Variants in LRRC40 observed in about 807,000 individuals in gnomAD.
The protein encoded by LRRC40 is leucine rich repeat containing 40.
Under a neutral mutation model 72.8 loss-of-function variants are expected in LRRC40, and 76 were observed. That is an observed-to-expected ratio of 1.04 (90% CI 0.87 to 1.26). LRRC40 has a LOEUF of 1.26. LRRC40 is among the 50% of genes most tolerant of loss of function. LRRC40 has a pLI of 0.00. For synonymous variants in LRRC40, 243 were observed against 254.2 expected (o/e 0.96, Z 0.42); for missense variants, 684 against 698.9 (o/e 0.98, Z 0.24).
Position 70,187,463 on chromosome 1 carries a change from GA to G in LRRC40, c.334-126del. The G allele has an allele frequency of 7.1e-6, 4 of 561,456 alleles. No individual in the cohort carries two copies. In the South Asian group the frequency reaches 9.5e-5, roughly 13 times the overall value. The allele number at this position is 561,456 out of a possible 1,614,324, so 34.8% of individuals were successfully genotyped here. The stretch of plus-strand genomic sequence containing the variant: ...TCCTCAAATTCAATGGCAACAAGTT[GA>G]ACTACTGTTCAACATACTTGTTCTG... On this transcript the variant is annotated intron_variant, in intron 2 of 14. Coordinates refer to ENST00000370952, the MANE Select transcript of LRRC40 (RefSeq NM_017768.5).
At chr1:70,189,593 A>G (rs1668448834) in intron 1 of LRRC40, among the ~76,000 whole-genome samples, 1 of 152,244 alleles carries the variant, frequency 6.6e-6, no homozygotes, top group African/African-American at 2.4e-5. Flanking sequence ...TGTACAACAA[A>G]GAATGCATTC....
At chr1:70,158,185 T>C (rs1249292605) in intron 10 of LRRC40, among the ~76,000 whole-genome samples, 1 of 149,498 alleles carries the variant, frequency 6.7e-6, no homozygotes, top group East Asian at 2.0e-4. Flanking sequence ...GAGTGCTACC[T>C]GTGTTAGCGT....
At chr1:70,153,422 A>C (rs567331400) in intron 11 of LRRC40, among the ~76,000 whole-genome samples, 1 of 149,656 alleles carries the variant, frequency 6.7e-6, no homozygotes, top group Non-Finnish European at 1.5e-5. Flanking sequence ...ATTAGCAAAG[A>C]AAAAAAAAAG....
At chr1:70,175,101 A>G (rs1668075242) in intron 7 of LRRC40, among the ~76,000 whole-genome samples, 1 of 152,102 alleles carries the variant, frequency 6.6e-6, no homozygotes, top group Non-Finnish European at 1.5e-5. Flanking sequence ...TTAGGCAAAA[A>G]AAAAGCATTC....
chr1:70,202,916 G>T (rs1668780271), intron 1 of LRRC40, among the ~76,000 whole-genome samples: 1 of 152,086 alleles, frequency 6.6e-6, no homozygotes, highest in Non-Finnish European at 1.5e-5. Context: ...TTAGAGACAG[G>T]ATCTCACTCT....
At chr1:70,163,781 T>A (rs1041285879) in intron 9 of LRRC40, among the ~76,000 whole-genome samples, 1 of 152,036 alleles carries the variant, frequency 6.6e-6, no homozygotes, top group Non-Finnish European at 1.5e-5. Flanking sequence ...AGAACACAGA[T>A]CAGAATCAGG....
At chr1:70,162,001 A>G (rs371322572) in intron 9 of LRRC40, among the ~76,000 whole-genome samples, 1 of 152,214 alleles carries the variant, frequency 6.6e-6, no homozygotes, top group East Asian at 1.9e-4. Context: ...TTCCCAAGAG[A>G]GTAACCACCT....
chr1:70,156,059 T>TTGGATATCTTTGGAGTCTAAG, intron 10 of LRRC40, among the ~76,000 whole-genome samples: 1 of 152,156 alleles, frequency 6.6e-6, no homozygotes, highest in Non-Finnish European at 1.5e-5. Flanking sequence ...AATAGATATT[T>TTGGATATCTTTGGAGTCTAAG]ATCTTTGGAG....
chr1:70,187,621 T>C (rs146414609), intron 2 of LRRC40, among the ~76,000 whole-genome samples: 1 of 151,488 alleles, frequency 6.6e-6, no homozygotes, highest in Non-Finnish European at 1.5e-5. Context: ...ACCCAGGAGT[T>C]TGAGACTAGC....
At chr1:70,153,320 C>T (rs1430064710) in intron 11 of LRRC40, among the ~76,000 whole-genome samples, 1 of 151,822 alleles carries the variant, frequency 6.6e-6, no homozygotes, top group Non-Finnish European at 1.5e-5. Flanking sequence ...TGAGATCATG[C>T]CACTGCACTC....
intron 9 of LRRC40, among the ~76,000 whole-genome samples, chr1:70,167,266 A>G (rs1667903730): frequency 6.6e-6 from 1 of 151,874 alleles, no homozygotes. Flanking sequence ...AAAAAGGTCA[A>G]GGAGAATACT....
chr1:70,151,279 T>G, intron 12 of LRRC40, 74 bp from the exon 13 acceptor site: 1 of 717,132 alleles, frequency 1.4e-6, no homozygotes, highest in Non-Finnish European at 2.5e-6. Flanking sequence ...ATTAAAATAT[T>G]GAGCAGGAAA....
Position 70,189,170 on chromosome 1 carries a change from G to T in LRRC40, c.255C>A (p.Thr85=). 1 of 1,613,666 alleles carries T rather than the reference G, an allele frequency of 6.2e-7. No individual in the cohort carries two copies. The highest frequency in any genetic ancestry group is 8.5e-7 in the Non-Finnish European group (1 of 1,179,862). The change falls in exon 2 of 15, where the codon ACC becomes ACA. Residue 85 remains threonine (T), a synonymous_variant. Transcript: ENST00000370952. ...TERWWEQTDL[T]KLIISNNKLQ... ...GTTTATTGTTTGATATTATTAGTTT[G>T]GTCAAATCTGTCTGCTCCCACCATC... is the stretch of plus-strand genomic sequence containing the variant.
chr1:70,153,293 C>T (rs763181939), intron 11 of LRRC40, among the ~76,000 whole-genome samples: 4 of 151,520 alleles, frequency 2.6e-5, no homozygotes, highest in African/African-American at 4.9e-5. Context: ...GCCTGGGAGG[C>T]GGAGGTTGTA....
intron 1 of LRRC40, among the ~76,000 whole-genome samples, chr1:70,198,095 T>G (rs950032673): frequency 6.6e-6 from 1 of 152,126 alleles, no homozygotes; most frequent in Non-Finnish European, 1.5e-5. Flanking sequence ...CCCAACAAAC[T>G]ATACATATTG....
At chr1:70,183,252 T>G (rs1358215102) in intron 4 of LRRC40, among the ~76,000 whole-genome samples, 1 of 151,036 alleles carries the variant, frequency 6.6e-6, no homozygotes, top group Non-Finnish European at 1.5e-5. Flanking sequence ...ATGACAGGAG[T>G]TTTCCAAAAC....
intron 1 of LRRC40, among the ~76,000 whole-genome samples, chr1:70,197,296 A>AT (rs200760835): frequency 6.3e-4 from 94 of 150,302 alleles, no homozygotes; most frequent in African/African-American, 1.7e-3. Flanking sequence ...ATTTTATTTT[A>AT]TTTTTTTTTG....
intron 12 of LRRC40, among the ~76,000 whole-genome samples, chr1:70,151,541 T>C (rs1443404968): frequency 6.6e-6 from 1 of 152,090 alleles, no homozygotes; most frequent in Non-Finnish European, 1.5e-5. Context: ...TAATACCACA[T>C]AAATATTCCA....
intron 3 of LRRC40, among the ~76,000 whole-genome samples, chr1:70,186,073 T>C (rs982032104): frequency 1.3e-5 from 2 of 152,100 alleles, no homozygotes; most frequent in African/African-American, 4.8e-5. Context: ...ACCAATAATA[T>C]TGTTAAGTCG....
Sources: allele counts gnomAD v4.1 joint callset (sites outside exome capture counted in the v4.1 genomes callset), GRCh38; gene constraint gnomAD v4.1.1; transcripts MANE v1.5; gene names NCBI Gene and HGNC (gene_info 2026-07-23, HGNC 2026-07-21).